The following DNAH14 variants were observed in gnomAD, a reference collection of about 807,000 sequenced individuals.
DNAH14 encodes dynein axonemal heavy chain 14, also known as axonemal beta dynein heavy chain 14.
A neutral mutation model predicts 520.9 loss-of-function variants in DNAH14; 478 were observed. The ratio of observed to expected loss-of-function variants is 0.92; its 90% confidence interval spans 0.85 to 0.99. The LOEUF (loss-of-function observed/expected upper bound fraction) is 0.99, where lower values mean the gene tolerates loss of function less well. Among genes scored for constraint, DNAH14 ranks in the 50% least tolerant of loss-of-function variants. DNAH14 has a pLI of 0.00. For missense variants in DNAH14, 4,831 were observed against 5,234.5 expected (o/e 0.92, Z 2.38); for synonymous variants, 1,581 against 1,757.2 (o/e 0.90, Z 2.51).
At chr1:225,364,457 TG>T (rs2095529047) in intron 75 of DNAH14, among the ~76,000 whole-genome samples, 1 of 152,206 alleles carries the variant, frequency 6.6e-6, no homozygotes. Flanking sequence ...GGATTATAAT[TG>T]TTTACCGTCA....
chr1:225,049,250 A>T (rs1309757381), intron 15 of DNAH14, among the ~76,000 whole-genome samples: 1 of 150,924 alleles, frequency 6.6e-6, no homozygotes, highest in African/African-American at 2.4e-5. Context: ...TTTAGTAGAG[A>T]CGGGGTTTCA....
At chr1:225,184,439 G>T (rs2084422982) in intron 36 of DNAH14, among the ~76,000 whole-genome samples, 1 of 152,038 alleles carries the variant, frequency 6.6e-6, no homozygotes, top group Non-Finnish European at 1.5e-5. Flanking sequence ...GGTCAACATG[G>T]AGAAACCCCA....
intron 38 of DNAH14, among the ~76,000 whole-genome samples, chr1:225,198,409 G>A (rs1042265075): frequency 2.0e-5 from 3 of 151,878 alleles, no homozygotes; most frequent in Non-Finnish European, 2.9e-5. Context: ...AGTAGAGATG[G>A]GGTTTCACCG....
chr1:225,336,702 A>G (rs1161937990), intron 66 of DNAH14, among the ~76,000 whole-genome samples: 1 of 152,204 alleles, frequency 6.6e-6, no homozygotes, highest in Non-Finnish European at 1.5e-5. Context: ...AATTGGCCAT[A>G]TAACAGGCCA....
intron 53 of DNAH14, among the ~76,000 whole-genome samples, 165 bp from the exon 54 acceptor site, chr1:225,277,245 A>T (rs917467134): frequency 2.0e-5 from 3 of 152,060 alleles, no homozygotes; most frequent in Non-Finnish European, 4.4e-5. Context: ...TCCTTATTGC[A>T]CAAATTTACT....
chr1:225,051,894 T>G (rs2068572222), intron 17 of DNAH14, 99 bp downstream of exon 17: 1 of 857,506 alleles, frequency 1.2e-6, no homozygotes, highest in African/African-American at 1.7e-5. Flanking sequence ...TCATGTCACA[T>G]GCAGAGTATG....
At chr1:225,336,569 A>C (rs1287510512) in intron 66 of DNAH14, among the ~76,000 whole-genome samples, 2 of 152,208 alleles carry the variant, frequency 1.3e-5, no homozygotes, top group Non-Finnish European at 2.9e-5. Context: ...CACAAAAATC[A>C]GTAAGAATAG....
chr1:224,991,212 A>T (rs1001932601), intron 8 of DNAH14, among the ~76,000 whole-genome samples: 4 of 146,978 alleles, frequency 2.7e-5, no homozygotes, highest in Admixed American at 7.1e-5. Flanking sequence ...CTCCTGCCTC[A>T]GCCTCCCAAG....
intron 41 of DNAH14, among the ~76,000 whole-genome samples, chr1:225,225,395 G>A (rs2090440962): frequency 6.6e-6 from 1 of 152,026 alleles, no homozygotes; most frequent in Admixed American, 6.6e-5. Flanking sequence ...TTTAACTTTT[G>A]TGTTTATGGG....
chr1:225,168,870 C>T (rs902405825), intron 36 of DNAH14, among the ~76,000 whole-genome samples: 2 of 152,144 alleles, frequency 1.3e-5, no homozygotes, highest in Admixed American at 6.5e-5. Flanking sequence ...GGTCTCTGAC[C>T]CTCAAGTAGC....
intron 46 of DNAH14, among the ~76,000 whole-genome samples, chr1:225,259,633 C>T (rs183020517): frequency 5.9e-5 from 9 of 152,206 alleles, no homozygotes; most frequent in African/African-American, 1.4e-4. Flanking sequence ...CTGTGGTCAC[C>T]ATGCTGTGCA....
Position 225,117,682 on chromosome 1 carries a change from A to G in DNAH14, c.3868-2A>G, listed in dbSNP as rs2076971677. 1 of 1,516,552 alleles carries G rather than the reference A, an allele frequency of 6.6e-7. No homozygotes were observed. Among genetic ancestry groups the G allele is most frequent in the Non-Finnish European group, 8.9e-7 (1 of 1,122,024 alleles). 93.9% of individuals were successfully genotyped at this position (1,516,552 alleles called of 1,614,324 possible). The stretch of plus-strand genomic sequence containing the variant: ...AATTGCATTTCTTTTGATTCTGGAC[A>G]GGATTACCTTGAAGTTAAAAGATTA... On this transcript the variant is annotated splice_acceptor_variant, in intron 23 of 85. Coordinates refer to ENST00000682510, the MANE Select transcript of DNAH14 (RefSeq NM_001367479.1). LOFTEE classifies it high-confidence loss of function.
At chr1:225,030,868 C>T (rs1038841106) in intron 11 of DNAH14, among the ~76,000 whole-genome samples, 13 of 151,856 alleles carry the variant, frequency 8.6e-5, no homozygotes, top group African/African-American at 3.1e-4. Flanking sequence ...AATTCATTTA[C>T]TTTTTCATAT....
chr1:225,290,647 G>GTGTATA (rs1419920384), intron 55 of DNAH14, among the ~76,000 whole-genome samples: 9 of 57,568 alleles, frequency 1.6e-4, no homozygotes, highest in Admixed American at 2.3e-4. Flanking sequence ...GTGTGTGTGT[G>GTGTATA]TATATATATA....
chr1:225,137,652 C>G (rs1024867886), intron 27 of DNAH14, among the ~76,000 whole-genome samples: 1 of 152,094 alleles, frequency 6.6e-6, no homozygotes, highest in Non-Finnish European at 1.5e-5. Context: ...CACTGCCTAG[C>G]CTCTGTTTGT....
chr1:225,180,003 G>T (rs2083782876), intron 36 of DNAH14, among the ~76,000 whole-genome samples: 1 of 152,000 alleles, frequency 6.6e-6, no homozygotes, highest in Non-Finnish European at 1.5e-5. Flanking sequence ...ACCCCTTTAA[G>T]TGTTATTTGC....
intron 27 of DNAH14, among the ~76,000 whole-genome samples, chr1:225,138,596 A>G (rs1271964809): frequency 6.6e-6 from 1 of 152,152 alleles, no homozygotes; most frequent in South Asian, 2.1e-4. Context: ...TGCAGACTCC[A>G]CACAGCTCTG....
chr1:225,108,833 G>C (rs944729091), intron 23 of DNAH14, among the ~76,000 whole-genome samples: 4 of 152,138 alleles, frequency 2.6e-5, no homozygotes, highest in African/African-American at 7.2e-5. Context: ...TCTTTTAGTA[G>C]TTTAATAGTT....
chr1:225,381,401 A>G lies in DNAH14; in HGVS notation c.12899A>G (p.His4300Arg), dbSNP rs1365512795. ...KNLKDHDPLI[H>R]CVLLTFLKQE... The stretch of plus-strand genomic sequence containing the variant: ...AATCCAGATCACGACCCCCTTATCC[A>G]TTGTGTCTTGCTAACCTTTTTGAAG... The change falls in exon 81 of 86, where the codon CAT (histidine) becomes CGT (arginine). Residue 4300 changes from histidine to arginine, a missense_variant. His to Arg is a conservative substitution (Grantham distance 29). Transcript: ENST00000682510. The G allele has an allele frequency of 1.9e-6, 3 of 1,548,404 alleles. No homozygotes were observed. The highest frequency in any genetic ancestry group is 2.6e-6 in the Non-Finnish European group (3 of 1,146,410).
Sources: allele counts gnomAD v4.1 joint callset (sites outside exome capture counted in the v4.1 genomes callset), GRCh38; gene constraint gnomAD v4.1.1; transcripts MANE v1.5; gene names NCBI Gene and HGNC (gene_info 2026-07-23, HGNC 2026-07-21).